Variants in ATRNL1 observed in about 807,000 individuals in gnomAD.
ATRNL1 encodes attractin-like protein 1.
A neutral mutation model predicts 182.7 loss-of-function variants in ATRNL1; 95 were observed. The ratio of observed to expected loss-of-function variants is 0.52; its 90% confidence interval spans 0.44 to 0.62. ATRNL1 has a LOEUF of 0.62. Among genes scored for constraint, ATRNL1 ranks in the 20% least tolerant of loss-of-function variants. The probability of loss-of-function intolerance (pLI) is 0.00; values close to 1 mark genes in which losing one functional copy is unlikely to be tolerated. For synonymous variants in ATRNL1, 576 were observed against 568.3 expected, an observed-to-expected ratio of 1.01 and a Z score of -0.19; for missense variants, 1,471 against 1,679.5, an observed-to-expected ratio of 0.88 and a Z score of 2.17.
chr10:115,640,555 G>C (rs1158621467), intron 26 of ATRNL1, among the ~76,000 whole-genome samples: 1 of 152,096 alleles, frequency 6.6e-6, no homozygotes, highest in African/African-American at 2.4e-5. Flanking sequence ...TCATACGTTT[G>C]TTGGCCGCAT....
intron 26 of ATRNL1, among the ~76,000 whole-genome samples, chr10:115,577,617 T>TGCACATGGATGTGGC: frequency 1.3e-5 from 1 of 76,102 alleles, no homozygotes; most frequent in Non-Finnish European, 2.7e-5. Context: ...AGGTTGTGTG[T>TGCACATGGATGTGGC]GTGTGTGTGT....
chr10:115,459,242 C>A (rs1180265918), intron 21 of ATRNL1, among the ~76,000 whole-genome samples: 1 of 151,898 alleles, frequency 6.6e-6, no homozygotes, highest in Non-Finnish European at 1.5e-5. Context: ...ATGTGGGCAC[C>A]CTGAAAAAAG....
At chr10:115,806,101 C>T (rs1949914868) in intron 27 of ATRNL1, among the ~76,000 whole-genome samples, 1 of 152,024 alleles carries the variant, frequency 6.6e-6, no homozygotes, top group Admixed American at 6.6e-5. Flanking sequence ...TGCCTAACTG[C>T]CTTTAAAAGA....
At chr10:115,383,079 T>A (rs569395544) in intron 19 of ATRNL1, among the ~76,000 whole-genome samples, 2 of 151,702 alleles carry the variant, frequency 1.3e-5, no homozygotes, top group South Asian at 4.1e-4. Flanking sequence ...TTCAAAATAA[T>A]TTTTCTGTAT....
chr10:115,101,181 T>G (rs940943498), intron 1 of ATRNL1, among the ~76,000 whole-genome samples: 1 of 152,182 alleles, frequency 6.6e-6, no homozygotes, highest in East Asian at 1.9e-4. Flanking sequence ...TATTTACTTC[T>G]TTCTTTACAA....
chr10:115,547,281 T>A (rs11815949), intron 25 of ATRNL1, among the ~76,000 whole-genome samples: 30,783 of 138,380 alleles, frequency 0.22, 3,448 homozygotes, highest in Non-Finnish European at 0.25. Flanking sequence ...TATATATATA[T>A]AAATATATAT....
At chr10:115,817,366 G>A (rs1950189104) in intron 27 of ATRNL1, among the ~76,000 whole-genome samples, 1 of 151,994 alleles carries the variant, frequency 6.6e-6, no homozygotes, top group South Asian at 2.1e-4. Flanking sequence ...CATTTCATGA[G>A]GCTAAATTAT....
intron 27 of ATRNL1, among the ~76,000 whole-genome samples, chr10:115,802,856 C>T (rs2134238791): frequency 1.3e-5 from 2 of 152,236 alleles, no homozygotes; most frequent in South Asian, 4.2e-4. Context: ...TCCAGGGGCT[C>T]CTTACTCCTT....
intron 3 of ATRNL1, among the ~76,000 whole-genome samples, chr10:115,124,076 A>G (rs1325330750): frequency 6.6e-6 from 1 of 152,048 alleles, no homozygotes; most frequent in Non-Finnish European, 1.5e-5. Flanking sequence ...TAAATGTAAT[A>G]TGCTTGAATC....
At chr10:115,205,343 T>G (rs1009384725) in intron 8 of ATRNL1, among the ~76,000 whole-genome samples, 5 of 151,980 alleles carry the variant, frequency 3.3e-5, no homozygotes, top group Admixed American at 3.3e-4. Context: ...CGATTTATAT[T>G]TAATGTAATT....
At chr10:115,321,141 G>A (rs1854563496) in intron 18 of ATRNL1, among the ~76,000 whole-genome samples, 2 of 151,878 alleles carry the variant, frequency 1.3e-5, no homozygotes, top group African/African-American at 4.8e-5. Flanking sequence ...TCAATGATCA[G>A]GTCCCTCTTA....
chr10:115,931,198 T>C (rs1953383953), intron 28 of ATRNL1, among the ~76,000 whole-genome samples: 1 of 152,172 alleles, frequency 6.6e-6, no homozygotes, highest in South Asian at 2.1e-4. Flanking sequence ...AAAATTGTAA[T>C]CTGTATTTCT....
At chr10:115,846,015 C>G (rs1950919395) in intron 27 of ATRNL1, among the ~76,000 whole-genome samples, 1 of 151,936 alleles carries the variant, frequency 6.6e-6, no homozygotes, top group Non-Finnish European at 1.5e-5. Flanking sequence ...AACCTATTCT[C>G]TAAATATTTA....
chr10:115,337,186 G>T (rs1195735080), intron 19 of ATRNL1, among the ~76,000 whole-genome samples: 2 of 151,952 alleles, frequency 1.3e-5, no homozygotes, highest in East Asian at 1.9e-4. Flanking sequence ...TAATTAAAAA[G>T]AATTCAATTT....
chr10:115,593,226 A>G (rs1856020313), intron 26 of ATRNL1, among the ~76,000 whole-genome samples: 1 of 152,180 alleles, frequency 6.6e-6, no homozygotes, highest in Non-Finnish European at 1.5e-5. Context: ...ATGAACATCA[A>G]TCCATTTATG....
At chr10:115,212,810 A>G (rs1849083468) in intron 8 of ATRNL1, among the ~76,000 whole-genome samples, 2 of 152,056 alleles carry the variant, frequency 1.3e-5, no homozygotes, top group Admixed American at 6.6e-5. Flanking sequence ...GAACACATGG[A>G]CACATAGAGG....
intron 5 of ATRNL1, among the ~76,000 whole-genome samples, chr10:115,144,020 G>T (rs1240564062): frequency 6.8e-6 from 1 of 147,110 alleles, no homozygotes; most frequent in South Asian, 2.1e-4. Flanking sequence ...TTTCACTGCC[G>T]CCTGGGCTGG....
At chr10:115,697,581 C>A (rs554287632) in intron 26 of ATRNL1, among the ~76,000 whole-genome samples, 1 of 152,228 alleles carries the variant, frequency 6.6e-6, no homozygotes. Flanking sequence ...CTGCCTTGGC[C>A]TCCCAAAGTG....
At chr10:115,437,906 G>C (rs917496729) in intron 21 of ATRNL1, among the ~76,000 whole-genome samples, 1 of 151,906 alleles carries the variant, frequency 6.6e-6, no homozygotes, top group African/African-American at 2.4e-5. Context: ...GACATAGGCG[G>C]TTTTATCCCT....
Sources: allele counts gnomAD v4.1 joint callset (sites outside exome capture counted in the v4.1 genomes callset), GRCh38; gene constraint gnomAD v4.1.1; transcripts MANE v1.5; gene names NCBI Gene and HGNC (gene_info 2026-07-23, HGNC 2026-07-21).